The following CNTNAP2 variants were observed in gnomAD, a reference collection of about 807,000 sequenced individuals.
CNTNAP2 encodes contactin-associated protein-like 2.
A neutral mutation model predicts 155.2 loss-of-function variants in CNTNAP2; 98 were observed. The observed-to-expected ratio is 0.63, with a 90% CI of 0.54 to 0.75. CNTNAP2 has a LOEUF of 0.75. Ranked by LOEUF, CNTNAP2 falls within the 30% of genes least tolerant of loss-of-function variation. The probability of loss-of-function intolerance (pLI) is 0.00; values close to 1 mark genes in which losing one functional copy is unlikely to be tolerated. For missense variants in CNTNAP2, 1,727 were observed against 1,688.1 expected (o/e 1.02, Z -0.40); for synonymous variants, 651 against 631.2 (o/e 1.03, Z -0.47).
chr7:147,526,879 A>G (rs1302395951), intron 11 of CNTNAP2, among the ~76,000 whole-genome samples: 1 of 152,028 alleles, frequency 6.6e-6, no homozygotes, highest in Non-Finnish European at 1.5e-5. Context: ...TTGTACTTGT[A>G]TTTGTTTCCT....
chr7:147,165,154 C>CG (rs1802091385), intron 8 of CNTNAP2, among the ~76,000 whole-genome samples: 2 of 151,554 alleles, frequency 1.3e-5, no homozygotes, highest in African/African-American at 2.4e-5. Context: ...ATTTAAAATC[C>CG]AAAGTATTTT....
At chr7:147,180,625 G>C (rs1004575742) in intron 8 of CNTNAP2, among the ~76,000 whole-genome samples, 1 of 152,068 alleles carries the variant, frequency 6.6e-6, no homozygotes, top group African/African-American at 2.4e-5. Flanking sequence ...ACCTTAGTAA[G>C]AGCAGCCATT....
Position 147,110,767 on chromosome 7 carries a change from G to GTCTA in CNTNAP2, c.754+2420_754+2423dup, listed in dbSNP as rs1436824489. On this transcript the variant is annotated intron_variant, in intron 5 of 23. Coordinates refer to ENST00000361727, the MANE Select transcript of CNTNAP2 (RefSeq NM_014141.6). ...ATATGTACCACATTTTCTTTACCCA[G>GTCTA]TCTATCATTGATGGGCATTTAGGTT... 1.3e-5 allele frequency among the ~76,000 whole-genome samples: 2 copies of GTCTA among 152,242 alleles called. 1 individual carries two copies. The highest frequency in any genetic ancestry group is 6.8e-3 in the Middle Eastern group (2 of 294).
At chr7:146,439,887 G>T (rs1220146352) in intron 1 of CNTNAP2, among the ~76,000 whole-genome samples, 5 of 151,556 alleles carry the variant, frequency 3.3e-5, no homozygotes. Context: ...ACTTTGGGAG[G>T]CCTACGCCAG....
At chr7:147,399,093 C>T (rs1332940370) in intron 10 of CNTNAP2, among the ~76,000 whole-genome samples, 6 of 151,986 alleles carry the variant, frequency 3.9e-5, no homozygotes, top group South Asian at 4.2e-4. Flanking sequence ...GCACAGGCAA[C>T]GAAAGAGGCA....
At chr7:147,625,735 A>G (rs938356602) in intron 12 of CNTNAP2, among the ~76,000 whole-genome samples, 2 of 152,194 alleles carry the variant, frequency 1.3e-5, no homozygotes, top group African/African-American at 4.8e-5. Flanking sequence ...CAACAAAGGA[A>G]CATACCAGGA....
chr7:147,172,707 A>C (rs1802257827), intron 8 of CNTNAP2, among the ~76,000 whole-genome samples: 1 of 152,140 alleles, frequency 6.6e-6, no homozygotes, highest in African/African-American at 2.4e-5. Context: ...ATTGAGCTAA[A>C]AACAGAATTA....
At chr7:147,108,859 T>C (rs977533451) in intron 5 of CNTNAP2, among the ~76,000 whole-genome samples, 2 of 151,908 alleles carry the variant, frequency 1.3e-5, no homozygotes, top group African/African-American at 4.8e-5. Context: ...GAAAAGGAAT[T>C]AGCCATGAAA....
At chr7:146,615,308 C>T (rs1222361023) in intron 1 of CNTNAP2, among the ~76,000 whole-genome samples, 1 of 152,184 alleles carries the variant, frequency 6.6e-6, no homozygotes, top group Non-Finnish European at 1.5e-5. Context: ...CTAGAAAATT[C>T]AGTTCTGAGT....
chr7:148,363,086 A>G (rs1195436080), intron 21 of CNTNAP2, among the ~76,000 whole-genome samples: 3 of 152,130 alleles, frequency 2.0e-5, no homozygotes. Flanking sequence ...GGTTCAAGCG[A>G]TTCTCCTGCC....
intron 1 of CNTNAP2, among the ~76,000 whole-genome samples, chr7:146,723,541 A>G (rs999335618): frequency 6.6e-6 from 1 of 152,234 alleles, no homozygotes; most frequent in African/African-American, 2.4e-5. Flanking sequence ...GAATGATGAT[A>G]TATATAGCCA....
rs368544565 is a variant in CNTNAP2 at position 146,745,682 on chromosome 7, G to A, written c.98-28589G>A. On this transcript the variant is annotated intron_variant, in intron 1 of 23. Coordinates refer to ENST00000361727, the MANE Select transcript of CNTNAP2 (RefSeq NM_014141.6). ...CTCAGGAGGCTGAGACAGGAGAATCGCTTGACCCTGGAGGTGGAGATTGCA... is the reference window on the plus strand; with the variant it reads ...CTCAGGAGGCTGAGACAGGAGAATCACTTGACCCTGGAGGTGGAGATTGCA... Among the ~76,000 whole-genome samples the A allele has an allele frequency of 1.9e-4, 29 of 151,046 alleles. 1 individual carries two copies. The highest frequency in any genetic ancestry group is 3.4e-3 in the Middle Eastern group (1 of 294).
intron 8 of CNTNAP2, among the ~76,000 whole-genome samples, chr7:147,297,930 T>C (rs977296081): frequency 3.9e-5 from 6 of 152,210 alleles, no homozygotes; most frequent in African/African-American, 1.4e-4. Flanking sequence ...CTTTTGGGTA[T>C]ATACGTAGTA....
chr7:147,666,469 A>G lies in CNTNAP2; in HGVS notation c.2098+27163A>G, dbSNP rs1009134981. ...ATAAAAGCATATCACATACAATTAC[A>G]AGCAGTATATAATGCTTGATAATGA... On this transcript the variant is annotated intron_variant, in intron 13 of 23. Transcript: ENST00000361727. Among the ~76,000 whole-genome samples the G allele has an allele frequency of 2.0e-5, 3 of 152,206 alleles. No homozygotes were observed. The East Asian group carries it at 5.8e-4, about 29-fold the overall frequency.
At chr7:148,354,627 CCT>C in intron 21 of CNTNAP2, among the ~76,000 whole-genome samples, 1 of 151,832 alleles carries the variant, frequency 6.6e-6, no homozygotes. Flanking sequence ...GGAAGCACTT[CCT>C]CTCTGTTTCT....
intron 16 of CNTNAP2, among the ~76,000 whole-genome samples, chr7:148,133,115 T>C (rs143274849): frequency 2.6e-5 from 4 of 152,182 alleles, no homozygotes; most frequent in Non-Finnish European, 5.9e-5. Flanking sequence ...AAAAATAAGA[T>C]AAGCTGCTCT....
intron 9 of CNTNAP2, among the ~76,000 whole-genome samples, chr7:147,344,390 T>C (rs542929781): frequency 2.0e-5 from 3 of 152,214 alleles, no homozygotes; most frequent in Admixed American, 6.5e-5. Context: ...AGAGGATAAA[T>C]TGAACTGGCT....
intron 20 of CNTNAP2, among the ~76,000 whole-genome samples, chr7:148,250,694 G>A (rs1439933329): frequency 6.6e-6 from 1 of 152,164 alleles, no homozygotes; most frequent in East Asian, 1.9e-4. Context: ...GAAAACACAG[G>A]GGGAGGCACG....
At chr7:146,328,882 C>T (rs375546836) in intron 1 of CNTNAP2, among the ~76,000 whole-genome samples, 48 of 152,218 alleles carry the variant, frequency 3.2e-4, no homozygotes, top group South Asian at 1.5e-3. Flanking sequence ...TTTTTACTAC[C>T]GAATAATATT....
Sources: allele counts gnomAD v4.1 joint callset (sites outside exome capture counted in the v4.1 genomes callset), GRCh38; gene constraint gnomAD v4.1.1; transcripts MANE v1.5; gene names NCBI Gene and HGNC (gene_info 2026-07-23, HGNC 2026-07-21).